Variants in ZNF536 observed in about 807,000 individuals in gnomAD.
The protein encoded by ZNF536 is zinc finger protein 536.
In ZNF536, 13 loss-of-function variants were observed where a neutral mutation model predicts 84.5. The ratio of observed to expected loss-of-function variants is 0.15; its 90% CI spans 0.10 to 0.24. The LOEUF (loss-of-function observed/expected upper bound fraction) is 0.24. Among genes scored for constraint, ZNF536 ranks in the 10% least tolerant of loss-of-function variants. The pLI, the probability that ZNF536 is intolerant of heterozygous loss-of-function variation, is 1.00. For synonymous variants in ZNF536, 811 were observed against 742.5 expected (o/e 1.09, Z -1.50); for missense variants, 1,536 against 1,747.5 (o/e 0.88, Z 2.16).
upstream of ZNF536, among the ~76,000 whole-genome samples, chr19:30,367,698 C>T (rs1052613518): frequency 2.0e-5 from 3 of 152,148 alleles, no homozygotes; most frequent in African/African-American, 7.2e-5. Context: ...ATGCTGGTCG[C>T]GTGACAGCAG....
chr19:30,345,655 A>G (rs1003878672), intron 2 of ZNF536, among the ~76,000 whole-genome samples: 18 of 152,328 alleles, frequency 1.2e-4, no homozygotes, highest in African/African-American at 4.1e-4. Flanking sequence ...GGGAGAGAGA[A>G]GCCCCAGTGA....
intron 1 of ZNF536, among the ~76,000 whole-genome samples, chr19:30,625,056 G>A (rs1239674246): frequency 6.6e-6 from 1 of 152,184 alleles, no homozygotes; most frequent in Non-Finnish European, 1.5e-5. Flanking sequence ...TAAATCACCA[G>A]GTCTTGGGCA....
At chr19:30,363,046 G>A (rs1486069058) in intron 3 of ZNF536, among the ~76,000 whole-genome samples, 1 of 151,192 alleles carries the variant, frequency 6.6e-6, no homozygotes. Flanking sequence ...GCAACGCAGC[G>A]AGACTCCATC....
intron 2 of ZNF536, among the ~76,000 whole-genome samples, chr19:30,531,430 GTCT>G (rs1191598413): frequency 2.0e-5 from 3 of 150,642 alleles, no homozygotes; most frequent in Non-Finnish European, 2.9e-5. Flanking sequence ...CTCCTGCAGT[GTCT>G]TCTTTTTTGT....
At chr19:30,462,889 TTGTC>T (rs1415740351) in intron 2 of ZNF536, among the ~76,000 whole-genome samples, 1 of 144,992 alleles carries the variant, frequency 6.9e-6, no homozygotes, top group Non-Finnish European at 1.5e-5. Context: ...CCATATGTAT[TTGTC>T]TGTGTTGGCA....
intron 1 of ZNF536, among the ~76,000 whole-genome samples, chr19:30,671,744 A>G (rs950134185): frequency 6.6e-6 from 1 of 152,190 alleles, no homozygotes; most frequent in Non-Finnish European, 1.5e-5. Flanking sequence ...GATACTCAGC[A>G]GACATTTGTT....
At chr19:30,290,511 A>C (rs1447528201) in intron 2 of ZNF536, among the ~76,000 whole-genome samples, 1 of 152,132 alleles carries the variant, frequency 6.6e-6, no homozygotes, top group African/African-American at 2.4e-5. Flanking sequence ...GGCTCGAATC[A>C]TCTGCCAGCC....
intron 1 of ZNF536, among the ~76,000 whole-genome samples, chr19:30,687,015 G>T (rs2051216319): frequency 6.6e-6 from 1 of 152,174 alleles, no homozygotes; most frequent in Admixed American, 6.5e-5. Flanking sequence ...TGAGAATTGA[G>T]TGATTTCACT....
intron 1 of ZNF536, among the ~76,000 whole-genome samples, chr19:30,230,622 G>A (rs1338566175): frequency 1.3e-5 from 2 of 152,186 alleles, no homozygotes; most frequent in Non-Finnish European, 2.9e-5. Flanking sequence ...AGAAGGTGCC[G>A]CCCGACTTCC....
upstream of ZNF536, among the ~76,000 whole-genome samples, chr19:30,369,494 G>A (rs145713053): frequency 2.6e-5 from 4 of 152,326 alleles, no homozygotes; most frequent in East Asian, 1.9e-4. Flanking sequence ...AGTCCGACCC[G>A]TCTGCGATTG....
At chr19:30,412,501 G>T (rs925440448) in intron 1 of ZNF536, among the ~76,000 whole-genome samples, 2 of 151,998 alleles carry the variant, frequency 1.3e-5, no homozygotes, top group East Asian at 3.9e-4. Context: ...ATTATTGGGG[G>T]TAAACTCTAG....
chr19:30,291,563 G>A (rs1338812940), intron 2 of ZNF536, among the ~76,000 whole-genome samples: 1 of 151,798 alleles, frequency 6.6e-6, no homozygotes, highest in African/African-American at 2.4e-5. Flanking sequence ...AATTTGTTTG[G>A]GCCTATATGT....
At chr19:30,615,754 C>A (rs576694731) in intron 1 of ZNF536, among the ~76,000 whole-genome samples, 1 of 152,080 alleles carries the variant, frequency 6.6e-6, no homozygotes, top group Non-Finnish European at 1.5e-5. Context: ...TGGAGTCTTA[C>A]GTCTAAGAGC....
At position 30,569,560 on chromosome 19, in the gene ZNF536, T is replaced by C. The variant is rs1380521280; in HGVS notation, c.169+20046T>C. 4.3e-3 allele frequency among the ~76,000 whole-genome samples: 305 copies of C among 70,670 alleles called. 10 individuals carry two copies. Among genetic ancestry groups the C allele is most frequent in the African/African-American group, 0.018 (288 of 16,052 alleles). The allele number at this position is 70,670 out of a possible 152,430, so 46.4% of individuals were successfully genotyped here. Reference sequence around the variant, plus strand: ...TGGAATCGAAGCCAGATAAACGTTCTTTTTTTTTTTTTTTTTTTTTTTTTT... The same window carrying C: ...TGGAATCGAAGCCAGATAAACGTTCCTTTTTTTTTTTTTTTTTTTTTTTTT... On this transcript the variant is annotated intron_variant, in intron 1 of 1. Coordinates refer to the ZNF536 transcript ENST00000592773.
intron 1 of ZNF536, among the ~76,000 whole-genome samples, chr19:30,437,988 A>T (rs1344536894): frequency 1.3e-5 from 2 of 152,152 alleles, no homozygotes; most frequent in East Asian, 3.8e-4. Context: ...TTTTCTGCCC[A>T]GGTGAGCTGG....
rs541970107 is a variant in ZNF536 at position 30,407,553 on chromosome 19, C to T, written c.-3+34997C>T. Among the ~76,000 whole-genome samples the T allele has an allele frequency of 9.8e-5, 15 of 152,298 alleles. No homozygotes were observed. The South Asian group carries it at 2.5e-3, about 25-fold the overall frequency. ...ACGACAGTCACAAGCCGGGGCCTCA[C>T]GAACTTCTGACCAACAGGCTTCACT... On this transcript the variant is annotated intron_variant, in intron 1 of 4. Coordinates refer to ENST00000355537, the MANE Select transcript of ZNF536 (RefSeq NM_014717.3).
At chr19:30,616,472 T>C (rs979560918) in intron 1 of ZNF536, among the ~76,000 whole-genome samples, 1 of 152,236 alleles carries the variant, frequency 6.6e-6, no homozygotes, top group Non-Finnish European at 1.5e-5. Context: ...TAGATTGCCT[T>C]ATATTAAAAC....
intron 1 of ZNF536, among the ~76,000 whole-genome samples, chr19:30,699,253 C>T (rs2051792448): frequency 6.6e-6 from 1 of 152,140 alleles, no homozygotes. Flanking sequence ...AAACCAATGT[C>T]ACCACTTCTA....
At chr19:30,381,648 C>A (rs1235836890) in intron 1 of ZNF536, among the ~76,000 whole-genome samples, 1 of 152,172 alleles carries the variant, frequency 6.6e-6, no homozygotes, top group Admixed American at 6.5e-5. Flanking sequence ...GGTCCCAGAG[C>A]CTTTGCACCA....
Sources: gnomAD v4.1 joint callset for allele counts (sites outside exome capture counted in the v4.1 genomes callset) on GRCh38, gnomAD v4.1.1 for gene constraint, MANE v1.5 for transcripts, NCBI Gene and HGNC (gene_info 2026-07-23, HGNC 2026-07-21) for gene names.